The following EPB41L4A variants were observed in gnomAD, a reference collection of about 807,000 sequenced individuals.
EPB41L4A encodes the protein band 4.1-like protein 4A.
A neutral mutation model predicts 108.6 loss-of-function variants in EPB41L4A; 100 were observed. The ratio of observed to expected loss-of-function variants is 0.92; its 90% CI spans 0.78 to 1.09. EPB41L4A has a LOEUF of 1.09. Ranked by LOEUF, EPB41L4A falls within the 50% of genes least tolerant of loss-of-function variation. The pLI is 0.00. For missense variants in EPB41L4A, 1,030 were observed against 842.7 expected, an observed-to-expected ratio of 1.22 and a Z score of -2.75; for synonymous variants, 319 against 289.0, an observed-to-expected ratio of 1.10 and a Z score of -1.05.
At chr5:112,352,396 C>A (rs551647790) in intron 1 of EPB41L4A, among the ~76,000 whole-genome samples, 3 of 152,260 alleles carry the variant, frequency 2.0e-5, no homozygotes, top group Admixed American at 1.3e-4. Context: ...CTTCAATTTC[C>A]ATGTATTTGT....
At chr5:112,365,073 G>C (rs1273057348) in intron 1 of EPB41L4A, among the ~76,000 whole-genome samples, 1 of 152,144 alleles carries the variant, frequency 6.6e-6, no homozygotes, top group Non-Finnish European at 1.5e-5. Flanking sequence ...GCTTAGTTCA[G>C]CTTCTGGCAT....
At chr5:112,328,256 C>T (rs1756312750) in intron 1 of EPB41L4A, among the ~76,000 whole-genome samples, 1 of 151,974 alleles carries the variant, frequency 6.6e-6, no homozygotes, top group African/African-American at 2.4e-5. Flanking sequence ...TTACAGTAGG[C>T]CAAGATTGTG....
rs142408619 is a variant in EPB41L4A, at chr5:112,290,119, CCTAA to C, written c.205-9800_205-9797del. Among the ~76,000 whole-genome samples the C allele has an allele frequency of 7.1e-3, 1,087 of 152,204 alleles. 7 individuals carry two copies. The highest frequency in any genetic ancestry group is 0.025 in the African/African-American group (1,042 of 41,550). On this transcript the variant is annotated intron_variant, in intron 2 of 22. Coordinates refer to ENST00000261486, the MANE Select transcript of EPB41L4A (RefSeq NM_022140.5). The stretch of plus-strand genomic sequence containing the variant: ...ACCAGAGATGACTGTGAAAAGCCAT[CCTAA>C]CTAATTATCTTTCAATTTAGCATCA...
chr5:112,310,764 T>C (rs1265574822), intron 1 of EPB41L4A, among the ~76,000 whole-genome samples: 2 of 152,130 alleles, frequency 1.3e-5, no homozygotes, highest in East Asian at 1.9e-4. Context: ...CTTCTGCTAA[T>C]GTGCAAACAA....
chr5:112,195,690 A>T lies in EPB41L4A; in HGVS notation c.1395T>A (p.Gly465=), dbSNP rs149373122. The change falls in exon 16 of 23, where the codon GGT becomes GGA. Residue 465 remains glycine, a synonymous_variant. Coordinates refer to ENST00000261486, the MANE Select transcript of EPB41L4A (RefSeq NM_022140.5). ...PVRRRKAHNS[G]EDSDLKQRRR... Reference sequence around the variant, plus strand: ...TCCTTTGCTTAAGATCTGAATCTTCACCACTGTTATGGGCTTTCCTGTGAA... The same window carrying T: ...TCCTTTGCTTAAGATCTGAATCTTCTCCACTGTTATGGGCTTTCCTGTGAA... 8.2e-3 allele frequency: 13,267 copies of T among 1,613,490 alleles called. 58 individuals are homozygous for T. Among genetic ancestry groups the T allele is most frequent in the Non-Finnish European group, 0.01 (11,972 of 1,179,672 alleles).
chr5:112,201,363 G>A (rs1309468678), intron 15 of EPB41L4A, among the ~76,000 whole-genome samples: 1 of 152,192 alleles, frequency 6.6e-6, no homozygotes, highest in Non-Finnish European at 1.5e-5. Flanking sequence ...ACTTCTCTGT[G>A]TTTCACAGGA....
At chr5:112,178,270 T>C (rs1455179533) in intron 18 of EPB41L4A, among the ~76,000 whole-genome samples, 2 of 152,070 alleles carry the variant, frequency 1.3e-5, no homozygotes, top group African/African-American at 2.4e-5. Flanking sequence ...ACCATACATA[T>C]GCATACACCT....
chr5:112,411,146 G>T (rs553306787), intron 1 of EPB41L4A, among the ~76,000 whole-genome samples: 1 of 152,288 alleles, frequency 6.6e-6, no homozygotes, highest in African/African-American at 2.4e-5. Flanking sequence ...AAGATAAGCA[G>T]GTCTGGAGGA....
chr5:112,199,646 G>C (rs983428367), intron 15 of EPB41L4A, among the ~76,000 whole-genome samples: 1 of 152,110 alleles, frequency 6.6e-6, no homozygotes, highest in Non-Finnish European at 1.5e-5. Context: ...ATAAATTCAG[G>C]ATATCAGAAT....
intron 4 of EPB41L4A, among the ~76,000 whole-genome samples, chr5:112,274,961 A>T (rs933648422): frequency 3.0e-4 from 45 of 152,372 alleles, no homozygotes; most frequent in African/African-American, 1.1e-3. Flanking sequence ...CTGGCTGGGC[A>T]AATGTATATT....
At chr5:112,325,663 C>A (rs889857715) in intron 1 of EPB41L4A, among the ~76,000 whole-genome samples, 1 of 152,126 alleles carries the variant, frequency 6.6e-6, no homozygotes, top group African/African-American at 2.4e-5. Flanking sequence ...CATTTCAAAG[C>A]CAAAGAACAG....
At chr5:112,240,691 A>T (rs1749718191) in intron 10 of EPB41L4A, 28 bp downstream of exon 10, 1 of 1,328,592 alleles carries the variant, frequency 7.5e-7, no homozygotes, top group Non-Finnish European at 1.0e-6. Flanking sequence ...TTATTAAGAC[A>T]ACAAACAAAA....
intron 1 of EPB41L4A, among the ~76,000 whole-genome samples, chr5:112,332,546 C>A (rs1037332564): frequency 1.1e-4 from 16 of 152,208 alleles, no homozygotes; most frequent in African/African-American, 3.9e-4. Flanking sequence ...ACCCCAGACT[C>A]TCTCTGGAGT....
intron 9 of EPB41L4A, among the ~76,000 whole-genome samples, chr5:112,244,154 G>A (rs1750024560): frequency 1.3e-5 from 2 of 152,176 alleles, no homozygotes; most frequent in Non-Finnish European, 2.9e-5. Flanking sequence ...GTTATTAACT[G>A]ACCTAGTTTC....
At chr5:112,308,380 C>A (rs1263010144) in intron 1 of EPB41L4A, among the ~76,000 whole-genome samples, 1 of 152,144 alleles carries the variant, frequency 6.6e-6, no homozygotes, top group Non-Finnish European at 1.5e-5. Context: ...ATATGGTGAG[C>A]ACTTAATACT....
In EPB41L4A at chr5:112,184,239, A is replaced by C. The variant is rs937210788; in HGVS notation, c.1503-104T>G. 36 of 1,342,134 alleles carry C rather than the reference A, an allele frequency of 2.7e-5. 1 individual carries two copies. The highest frequency in any genetic ancestry group is 8.8e-5 in the Admixed American group (4 of 45,246). 83.1% of individuals were successfully genotyped at this position (1,342,134 alleles called of 1,614,324 possible). ...ATGTTATTTAAGCAGCAGAAATTTT[A>C]TTATGATCATTTATAGCTAAAGATG... On this transcript the variant is annotated intron_variant, in intron 17 of 22. Coordinates refer to ENST00000261486, the MANE Select transcript of EPB41L4A (RefSeq NM_022140.5).
Position 112,234,632 on chromosome 5 carries a change from A to C in EPB41L4A, c.1087+2T>G. On this transcript the variant is annotated splice_donor_variant, in intron 12 of 22. Transcript: ENST00000261486. LOFTEE classifies it high-confidence loss of function. ...AGATAACTCAGGGGAACCATGACTT[A>C]CCAGCTGGCTGTGTTTGTGCTATTC... 1 of 1,612,564 alleles carries C rather than the reference A, an allele frequency of 6.2e-7. No individual in the cohort carries two copies. The highest frequency in any genetic ancestry group is 2.2e-5 in the East Asian group (1 of 44,842).
At chr5:112,216,145 T>C (rs1747622820) in intron 12 of EPB41L4A, among the ~76,000 whole-genome samples, 1 of 152,238 alleles carries the variant, frequency 6.6e-6, no homozygotes, top group South Asian at 2.1e-4. Context: ...TCAGGAAGTG[T>C]GACTGTCAGA....
At chr5:112,358,927 AAAAC>A (rs1451734563) in intron 1 of EPB41L4A, among the ~76,000 whole-genome samples, 1 of 152,244 alleles carries the variant, frequency 6.6e-6, no homozygotes, top group Non-Finnish European at 1.5e-5. Flanking sequence ...TAGGTGAAAG[AAAAC>A]AGACACAAAA....
Sources: allele counts gnomAD v4.1 joint callset (sites outside exome capture counted in the v4.1 genomes callset), GRCh38; gene constraint gnomAD v4.1.1; transcripts MANE v1.5; gene names NCBI Gene and HGNC (gene_info 2026-07-23, HGNC 2026-07-21).